AGL: variants seen among roughly 807,000 people sequenced by gnomAD.
AGL encodes amylo-alpha-1,6-glucosidase and 4-alpha-glucanotransferase, also known as glycogen debranching enzyme.
In AGL, 128 loss-of-function variants were observed where a neutral mutation model predicts 199.3. That is an observed-to-expected ratio of 0.64 (90% CI 0.56 to 0.74). AGL has a LOEUF of 0.74. AGL is among the 30% of genes least tolerant of loss of function. The pLI is 0.00. For synonymous variants in AGL, 584 were observed against 594.7 expected, an observed-to-expected ratio of 0.98 and a Z score of 0.26; for missense variants, 1,809 against 1,820.8, an observed-to-expected ratio of 0.99 and a Z score of 0.12.
Position 99,915,266 on chromosome 1 carries a change from T to A in AGL, c.4162-123T>A, listed in dbSNP as rs75708138. 904 of 821,606 alleles carry A rather than the reference T, an allele frequency of 1.1e-3. 7 individuals carry two copies. In the African/African-American group the frequency reaches 0.014, roughly 12 times the overall value. The allele number at this position is 821,606 out of a possible 1,614,324, so 50.9% of individuals were successfully genotyped here. A position where few individuals can be genotyped will look rare whatever the true frequency, so the allele number is the denominator to read the frequency against. ...ATTAGATCTGTTTAGGCATCTACAC[T>A]CAAATTCTGACCCTCATGGTATTTT... On this transcript the variant is annotated intron_variant, in intron 30 of 33. Coordinates refer to ENST00000361915, the MANE Select transcript of AGL (RefSeq NM_000642.3).
In AGL at chr1:99,881,379, G is replaced by T. The variant is rs771211030; in HGVS notation, c.2089G>T (p.Gly697Cys). The change falls in exon 16 of 34, where the codon GGC becomes TGC. Residue 697 changes from glycine (G) to cysteine (C), a missense_variant. Coordinates refer to ENST00000361915, the MANE Select transcript of AGL (RefSeq NM_000642.3). ...SNTGEVNFQSGIIAARCAISK... is the reference protein window; with the variant it reads ...SNTGEVNFQSCIIAARCAISK... The stretch of plus-strand genomic sequence containing the variant: ...CACAGGTGAAGTTAATTTCCAAAGC[G>T]GCATTATTGCAGCCAGGTGTGCTAT... 26 of 1,614,116 alleles carry T rather than the reference G, an allele frequency of 1.6e-5. No homozygotes were observed. The South Asian group carries it at 2.0e-4, about 12-fold the overall frequency.
chr1:99,910,978 T>A (rs1360667645), intron 28 of AGL, 131 bp downstream of exon 28: 6 of 902,892 alleles, frequency 6.6e-6, no homozygotes, highest in Non-Finnish European at 8.7e-6. Context: ...CTTCTTCCCT[T>A]CATCTCCCCA....
rs751648609 is a variant in AGL at position 99,915,396 on chromosome 1, A to T, written c.4169A>T (p.Glu1390Val). ...GTTTTTGGCATTCACTAGGCCCCTG[A>T]GCTCTTTACTACAGAAAAAGCATGG... ...NFTIAMVVAP[E>V]LFTTEKAWKA... The change falls in exon 31 of 34, where the codon GAG becomes GTG. Residue 1390 changes from glutamate to valine, a missense_variant. Physicochemically the swap from Glu to Val is moderately radical, Grantham distance 121. Transcript: ENST00000361915. 1.2e-6 allele frequency: 2 copies of T among 1,613,652 alleles called. No homozygotes were observed. Among genetic ancestry groups the T allele is most frequent in the Non-Finnish European group, 1.7e-6 (2 of 1,179,736 alleles).
Position 99,870,382 on chromosome 1 carries a change from G to A in AGL, c.665-18G>A. On this transcript the variant is annotated intron_variant, in intron 5 of 33. Coordinates refer to ENST00000361915, the MANE Select transcript of AGL (RefSeq NM_000642.3). The stretch of plus-strand genomic sequence containing the variant: ...ATTTAATTATGAGATACTCCTTTGT[G>A]TCTCCTTTTTCCTTCAGCTGCTAAT... 2 of 1,610,064 alleles carry A rather than the reference G, an allele frequency of 1.2e-6. No homozygotes were observed. Among genetic ancestry groups the A allele is most frequent in the Non-Finnish European group, 8.5e-7 (1 of 1,176,506 alleles).
intron 2 of AGL, among the ~76,000 whole-genome samples, chr1:99,859,409 C>CT (rs1193367643): frequency 4.9e-5 from 3 of 61,780 alleles, no homozygotes; most frequent in African/African-American, 4.4e-4. Context: ...CTGCCTTTTT[C>CT]CCGTTTGTAG....
chr1:99,883,543 T>TTCATTC (rs1168719407), intron 17 of AGL, among the ~76,000 whole-genome samples: 1 of 152,152 alleles, frequency 6.6e-6, no homozygotes. Context: ...ATCTAAAAAA[T>TTCATTC]ACATTGTTGA....
intron 5 of AGL, among the ~76,000 whole-genome samples, chr1:99,867,823 C>T (rs996312241): frequency 2.0e-5 from 3 of 152,090 alleles, no homozygotes; most frequent in South Asian, 2.1e-4. Context: ...CGCACCCGGC[C>T]GTGTTGCAGA....
At chr1:99,890,571 A>G (rs1570462038) in intron 21 of AGL, among the ~76,000 whole-genome samples, 2 of 152,074 alleles carry the variant, frequency 1.3e-5, no homozygotes, top group East Asian at 3.8e-4. Flanking sequence ...TATAATTTTT[A>G]AGGTAGCATC....
At chr1:99,882,807 A>G (rs919241041) in intron 17 of AGL, among the ~76,000 whole-genome samples, 1 of 152,200 alleles carries the variant, frequency 6.6e-6, no homozygotes, top group Non-Finnish European at 1.5e-5. Flanking sequence ...GACCAAATGA[A>G]AATTCCTATA....
intron 5 of AGL, among the ~76,000 whole-genome samples, chr1:99,867,267 C>T (rs915923927): frequency 4.6e-5 from 7 of 152,212 alleles, no homozygotes; most frequent in South Asian, 2.1e-4. Context: ...AATTGTCCTA[C>T]GGATATTTAG....
Position 99,884,168 on chromosome 1 carries a change from C to G in AGL, c.2357C>G (p.Thr786Arg). The G allele has an allele frequency of 1.2e-6, 2 of 1,612,664 alleles. No homozygotes were observed. Among genetic ancestry groups the G allele is most frequent in the Non-Finnish European group, 1.7e-6 (2 of 1,178,976 alleles). The change falls in exon 18 of 34, where the codon ACG becomes AGG. Residue 786 changes from threonine to arginine, a missense_variant. Transcript: ENST00000361915. ...GAAGCTAGAACTATTGAGAGAAACA[C>G]GAAACCTTATAGGAAGGATGAGAAT... ...VLEARTIERN[T>R]KPYRKDENSI...
rs935703268 is a variant in AGL at position 99,922,339 on chromosome 1, A to G, written c.*688A>G. ...TTTTGTAAAATTAGTATTGAGTTCT[A>G]TTGAGTATTATAAGATAGCTTACAT... On this transcript the variant is annotated 3_prime_UTR_variant, in exon 34 of 34. Transcript: ENST00000361915. 5 of 151,962 alleles carry G rather than the reference A, an allele frequency of 3.3e-5. No homozygotes were observed. Among genetic ancestry groups the G allele is most frequent in the South Asian group, 4.2e-4 (2 of 4,810 alleles). The allele number at this position is 151,962 out of a possible 1,614,324, so 9.4% of individuals were successfully genotyped here.
intron 3 of AGL, 40 bp from the exon 4 acceptor site, chr1:99,862,217 A>G (rs1482462514): frequency 1.2e-6 from 2 of 1,600,952 alleles, no homozygotes; most frequent in African/African-American, 1.3e-5. Context: ...TTTTTTTTCT[A>G]TCACTGACTG....
At chr1:99,914,846 G>A (rs958470378) in intron 30 of AGL, among the ~76,000 whole-genome samples, 3 of 152,136 alleles carry the variant, frequency 2.0e-5, no homozygotes, top group Non-Finnish European at 4.4e-5. Flanking sequence ...GGAGGCTGAG[G>A]TTGGAGGATC....
chr1:99,912,507 AAAAAGACATGGTAAGCTGGTT>A lies in AGL; in HGVS notation c.3941_3949+12del, dbSNP rs1553192718. Reference sequence around the variant, plus strand: ...TTTTCCCTTATCATGAAGTCACAGTAAAAAGACATGGTAAGCTGGTTATTTTATTTACAAAGAACCTTCAAA... The same window carrying A: ...TTTTCCCTTATCATGAAGTCACAGTAATTTTATTTACAAAGAACCTTCAAA... On this transcript the variant is annotated splice_donor_variant and splice_donor_5th_base_variant and coding_sequence_variant and intron_variant, in exon 29 of 34. Coordinates refer to ENST00000361915, the MANE Select transcript of AGL (RefSeq NM_000642.3). LOFTEE classifies it high-confidence loss of function. The A allele has an allele frequency of 1.2e-6, 2 of 1,608,932 alleles. No homozygotes were observed. Among genetic ancestry groups the A allele is most frequent in the Non-Finnish European group, 1.7e-6 (2 of 1,175,468 alleles).
At chr1:99,909,661 G>GA (rs1279157915) in intron 27 of AGL, among the ~76,000 whole-genome samples, 129 of 149,416 alleles carry the variant, frequency 8.6e-4, no homozygotes, top group South Asian at 6.6e-3. Context: ...TTTAAAAAAA[G>GA]AAAAAAAAAA....
rs1652102979 is a variant in AGL, at chr1:99,882,271, C to T, written c.2308+580C>T. ...AATATTTTTGTTTATATTTTATTTCCTAATTTGTGTAAAATGAACATTTAT... is the reference window on the plus strand; with the variant it reads ...AATATTTTTGTTTATATTTTATTTCTTAATTTGTGTAAAATGAACATTTAT... On this transcript the variant is annotated intron_variant, in intron 17 of 33. Coordinates refer to ENST00000361915, the MANE Select transcript of AGL (RefSeq NM_000642.3). Among the ~76,000 whole-genome samples, 2 of 151,658 alleles carry T rather than the reference C, an allele frequency of 1.3e-5. 1 individual carries two copies. Among genetic ancestry groups the T allele is most frequent in the South Asian group, 4.2e-4 (2 of 4,814 alleles).
rs1383169377 is a variant in AGL at position 99,891,363 on chromosome 1, A to T, written c.2949+7A>T. 6.2e-7 allele frequency: 1 copy of T among 1,613,548 alleles called. No individual in the cohort carries two copies. Among genetic ancestry groups the T allele is most frequent in the Admixed American group, 1.7e-5 (1 of 59,986 alleles). ...ATCAGGAACTATTGCTGAAGTAAGTAGAGCTATATTATCGTCCCAAAAAAT... is the reference window on the plus strand; with the variant it reads ...ATCAGGAACTATTGCTGAAGTAAGTTGAGCTATATTATCGTCCCAAAAAAT... On this transcript the variant is annotated splice_region_variant and intron_variant, in intron 22 of 33. Transcript: ENST00000361915.
rs1238498134 is a variant in AGL, at chr1:99,912,451, C to T, written c.3883C>T (p.Arg1295Cys). Reference protein sequence around the residue: ...EIVGLSKSAVRWLLELSKKNI... With the variant: ...EIVGLSKSAVCWLLELSKKNI... ...TGTGGGCCTGAGTAAATCTGCTGTT[C>T]GCTGGTTGCTGGAATTATCCAAAAA... Residue 1295 changes from arginine (R) to cysteine (C), a missense_variant, in exon 29 of 34, where the codon CGC (arginine) becomes TGC (cysteine). Coordinates refer to ENST00000361915, the MANE Select transcript of AGL (RefSeq NM_000642.3). 9 of 1,613,874 alleles carry T rather than the reference C, an allele frequency of 5.6e-6. No homozygotes were observed. Among genetic ancestry groups the T allele is most frequent in the Admixed American group, 3.3e-5 (2 of 60,000 alleles).
Sources: gnomAD v4.1 joint callset for allele counts (sites outside exome capture counted in the v4.1 genomes callset) on GRCh38, gnomAD v4.1.1 for gene constraint, MANE v1.5 for transcripts, NCBI Gene and HGNC (gene_info 2026-07-23, HGNC 2026-07-21) for gene names.